Variants in INSYN2B observed in about 807,000 individuals in gnomAD.
INSYN2B encodes the protein protein INSYN2B.
In INSYN2B, 16 loss-of-function variants were observed where a neutral mutation model predicts 41.2. The observed-to-expected ratio is 0.39, with a 90% CI of 0.26 to 0.59. The LOEUF is 0.59. Among genes scored for constraint, INSYN2B ranks in the 20% least tolerant of loss-of-function variants. The pLI, the probability that INSYN2B is intolerant of heterozygous loss-of-function variation, is 0.57. For synonymous variants in INSYN2B, 245 were observed against 244.4 expected (o/e 1.00, Z -0.02); for missense variants, 608 against 646.4 (o/e 0.94, Z 0.64).
At chr5:169,937,606 G>T (rs1776048896) in intron 1 of INSYN2B, among the ~76,000 whole-genome samples, 1 of 151,142 alleles carries the variant, frequency 6.6e-6, no homozygotes, top group Non-Finnish European at 1.5e-5. Context: ...ATATTAACTT[G>T]TTTAATCCCA....
chr5:169,972,632 T>TGAC (rs1561859918), intron 1 of INSYN2B, among the ~76,000 whole-genome samples: 6 of 141,158 alleles, frequency 4.3e-5, no homozygotes, highest in African/African-American at 1.5e-4. Flanking sequence ...AGATAGATGA[T>TGAC]AGGTGGATAA....
At position 169,980,455 on chromosome 5, in the gene INSYN2B, C is replaced by T. The variant is rs1356927746; in HGVS notation, c.-1097G>A. Reference sequence around the variant, plus strand: ...GCTCACGTAGGAATAAATAAAAAGCCGAACAAACTGCTCGGCAGCTACCAT... The same window carrying T: ...GCTCACGTAGGAATAAATAAAAAGCTGAACAAACTGCTCGGCAGCTACCAT... On this transcript the variant is annotated 5_prime_UTR_variant, in exon 1 of 4. Transcript: ENST00000377365. 2 of 151,952 alleles carry T rather than the reference C, an allele frequency of 1.3e-5. No individual in the cohort carries two copies. Among genetic ancestry groups the T allele is most frequent in the East Asian group, 1.9e-4 (1 of 5,178 alleles). The allele number at this position is 151,952 out of a possible 1,614,324, so 9.4% of individuals were successfully genotyped here.
intron 1 of INSYN2B, among the ~76,000 whole-genome samples, chr5:169,936,578 C>CTTTTTTTT (rs4041977): frequency 8.1e-6 from 1 of 122,832 alleles, no homozygotes; most frequent in African/African-American, 3.2e-5. Flanking sequence ...TCTCAGACTC[C>CTTTTTTTT]TTTTTTTTTT....
intron 1 of INSYN2B, among the ~76,000 whole-genome samples, chr5:169,920,842 A>T (rs1239668231): frequency 2.1e-5 from 3 of 141,540 alleles, no homozygotes; most frequent in Non-Finnish European, 3.0e-5. Flanking sequence ...TGTCTTTCTG[A>T]CCTCCACCCT....
intron 1 of INSYN2B, among the ~76,000 whole-genome samples, chr5:169,953,714 C>T (rs955374016): frequency 2.1e-4 from 32 of 152,120 alleles, no homozygotes; most frequent in African/African-American, 7.5e-4. Context: ...GTGAACTCCT[C>T]ATTAGGGACA....
In INSYN2B at chr5:169,948,392, C is replaced by G. The variant is rs577582391; in HGVS notation, c.-919+31885G>C. ...GTAGGGGGAGAATGATTATTTGCAC[C>G]TTTCTCTGTTTTTTCATACCCATTC... On this transcript the variant is annotated intron_variant, in intron 1 of 3. Transcript: ENST00000377365. Among the ~76,000 whole-genome samples, 5 of 152,014 alleles carry G rather than the reference C, an allele frequency of 3.3e-5. No homozygotes were observed. In the East Asian group the frequency reaches 9.7e-4, roughly 29 times the overall value.
rs141128252 is a variant in INSYN2B, at chr5:169,965,994, T to C, written c.-919+14283A>G. Among the ~76,000 whole-genome samples the C allele has an allele frequency of 1.6e-3, 240 of 152,240 alleles. 2 individuals are homozygous for C. The highest frequency in any genetic ancestry group is 5.5e-3 in the African/African-American group (229 of 41,566). The stretch of plus-strand genomic sequence containing the variant: ...GGACCTTGGAGACTCAAAGGAGACC[T>C]AGGTTTCCCTAGGATGAACCAGGGA... On this transcript the variant is annotated intron_variant, in intron 1 of 3. Coordinates refer to ENST00000377365, the MANE Select transcript of INSYN2B (RefSeq NM_001129891.3).
intron 1 of INSYN2B, among the ~76,000 whole-genome samples, chr5:169,978,049 GC>G (rs1330294886): frequency 3.9e-5 from 6 of 152,082 alleles, no homozygotes. Context: ...GCCTCCCTCG[GC>G]AAACTTTCCT....
At chr5:169,977,153 C>A (rs1348341989) in intron 1 of INSYN2B, among the ~76,000 whole-genome samples, 1 of 152,212 alleles carries the variant, frequency 6.6e-6, no homozygotes, top group East Asian at 1.9e-4. Context: ...TACCTGCCAG[C>A]AACTGTTCCT....
At chr5:169,895,629 C>T (rs1403185898) in intron 1 of INSYN2B, among the ~76,000 whole-genome samples, 3 of 152,256 alleles carry the variant, frequency 2.0e-5, no homozygotes, top group African/African-American at 4.8e-5. Flanking sequence ...CTTCCCTCCA[C>T]GTTACCTATT....
rs909536619 is a variant in INSYN2B at position 169,884,615 on chromosome 5, A to G, written c.-717T>C. 2.6e-5 allele frequency: 4 copies of G among 152,322 alleles called. No individual in the cohort carries two copies. Among genetic ancestry groups the G allele is most frequent in the Non-Finnish European group, 5.9e-5 (4 of 68,032 alleles). The allele number at this position is 152,322 out of a possible 1,614,324, so 9.4% of individuals were successfully genotyped here. A position where few individuals can be genotyped will look rare whatever the true frequency, so the allele number is the denominator to read the frequency against. The stretch of plus-strand genomic sequence containing the variant: ...CTTCCTAAATAGCCTCACAAAACCC[A>G]GTGGGGTATGACCAGGACAGGATTG... On this transcript the variant is annotated 5_prime_UTR_variant, in exon 2 of 4. Transcript: ENST00000377365.
chr5:169,945,243 A>G (rs1297999612), intron 1 of INSYN2B, among the ~76,000 whole-genome samples: 2 of 152,260 alleles, frequency 1.3e-5, no homozygotes, highest in African/African-American at 4.8e-5. Flanking sequence ...GGACTGTGTT[A>G]TCATTCATAC....
In INSYN2B at chr5:169,884,186, C is replaced by A; in HGVS notation, c.-288G>T. ...TTAGGCTAACTATTAAACATCTGATCTACCAAGAGAGCTGGTAGGCGGTTT... is the reference window on the plus strand; with the variant it reads ...TTAGGCTAACTATTAAACATCTGATATACCAAGAGAGCTGGTAGGCGGTTT... On this transcript the variant is annotated 5_prime_UTR_variant, in exon 2 of 4. Transcript: ENST00000377365. The A allele has an allele frequency of 3.8e-6, 1 of 259,878 alleles. No individual in the cohort carries two copies. The allele number at this position is 259,878 out of a possible 1,614,324, so 16.1% of individuals were successfully genotyped here.
At chr5:169,911,737 C>G (rs1296774971) in intron 1 of INSYN2B, among the ~76,000 whole-genome samples, 1 of 152,114 alleles carries the variant, frequency 6.6e-6, no homozygotes, top group Non-Finnish European at 1.5e-5. Context: ...ACTTCAAACC[C>G]TTTATCTGAT....
At chr5:169,946,152 C>T (rs1776439419) in intron 1 of INSYN2B, among the ~76,000 whole-genome samples, 1 of 152,192 alleles carries the variant, frequency 6.6e-6, no homozygotes. Context: ...CTAACAGTCT[C>T]CCTGCCCTTG....
At chr5:169,933,398 C>T (rs913589547) in intron 1 of INSYN2B, among the ~76,000 whole-genome samples, 1 of 152,192 alleles carries the variant, frequency 6.6e-6, no homozygotes, top group Non-Finnish European at 1.5e-5. Context: ...ATCCAAGGTC[C>T]TTCTAATGTG....
intron 1 of INSYN2B, among the ~76,000 whole-genome samples, chr5:169,925,890 G>A (rs1443469098): frequency 6.6e-6 from 1 of 152,106 alleles, no homozygotes; most frequent in Non-Finnish European, 1.5e-5. Context: ...CCTGGCAGCT[G>A]GGCCTGTTTT....
chr5:169,872,555 C>T (rs1772049240), intron 3 of INSYN2B, among the ~76,000 whole-genome samples: 1 of 152,210 alleles, frequency 6.6e-6, no homozygotes, highest in African/African-American at 2.4e-5. Context: ...CACAGGTTCT[C>T]TTCTTGGCAT....
At chr5:169,903,312 A>T (rs934323020) in intron 1 of INSYN2B, among the ~76,000 whole-genome samples, 6 of 26,942 alleles carry the variant, frequency 2.2e-4, no homozygotes, top group Non-Finnish European at 6.4e-4. Context: ...CAACAACAAT[A>T]AAAAAAAAAA....
Sources: allele counts gnomAD v4.1 joint callset (sites outside exome capture counted in the v4.1 genomes callset), GRCh38; gene constraint gnomAD v4.1.1; transcripts MANE v1.5; gene names NCBI Gene and HGNC (gene_info 2026-07-23, HGNC 2026-07-21).